The following PCDHGA5 variants were observed in gnomAD, a reference collection of about 807,000 sequenced individuals.
PCDHGA5 encodes protocadherin gamma-A5.
A neutral mutation model predicts 56.7 loss-of-function variants in PCDHGA5; 36 were observed. The ratio of observed to expected loss-of-function variants is 0.64; its 90% CI spans 0.49 to 0.84. The LOEUF (loss-of-function observed/expected upper bound fraction) is 0.84. PCDHGA5 is among the 40% of genes least tolerant of loss of function. The pLI, the probability that PCDHGA5 is intolerant of heterozygous loss-of-function variation, is 0.00. For missense variants in PCDHGA5, 1,305 were observed against 1,201.5 expected, an observed-to-expected ratio of 1.09 and a Z score of -1.27; for synonymous variants, 563 against 520.2, an observed-to-expected ratio of 1.08 and a Z score of -1.12.
In PCDHGA5 at chr5:141,366,176, C is replaced by G. The variant is rs1764373617; in HGVS notation, c.1846C>G (p.Leu616Val). ...CCTGCTTAAGGCCAGCGAGCCAGGA[C>G]TCTTTGCGGTTGGGCTGCACACGGG... ...YRLLKASEPG[L>V]FAVGLHTGEV... Residue 616 changes from leucine to valine, a missense_variant, in exon 1 of 4, where the codon CTC becomes GTC. Leu to Val is a conservative substitution (Grantham distance 32). Coordinates refer to ENST00000518069, the MANE Select transcript of PCDHGA5 (RefSeq NM_018918.3). 1.2e-6 allele frequency: 2 copies of G among 1,613,926 alleles called. No homozygotes were observed. Among genetic ancestry groups the G allele is most frequent in the Admixed American group, 3.3e-5 (2 of 60,012 alleles).
At chr5:141,402,934 A>G in intron 1 of PCDHGA5, 1 of 1,586,622 alleles carries the variant, frequency 6.3e-7, no homozygotes, top group Non-Finnish European at 8.6e-7. Flanking sequence ...TTTTGAGAAA[A>G]TTCCAAAGCG....
chr5:141,431,476 A>G lies in PCDHGA5; in HGVS notation c.2422-63331A>G, dbSNP rs975772031. 1.9e-6 allele frequency: 3 copies of G among 1,613,864 alleles called. No homozygotes were observed. Among genetic ancestry groups the G allele is most frequent in the Admixed American group, 3.3e-5 (2 of 60,032 alleles). ...TGGTTCTGGATGCGAACGACAACGC[A>G]CCAGCGTTTGCTCAGCCCGAGTACC... On this transcript the variant is annotated intron_variant, in intron 1 of 3. Coordinates refer to ENST00000518069, the MANE Select transcript of PCDHGA5 (RefSeq NM_018918.3). This position sits in a 1 kb window ranked among gnomAD's most constrained non-coding sequence, Gnocchi z 4.8.
At chr5:141,478,173 A>G (rs1397071220) in intron 1 of PCDHGA5, 1 of 1,613,986 alleles carries the variant, frequency 6.2e-7, no homozygotes, top group Non-Finnish European at 8.5e-7. Flanking sequence ...CCCCGGGAGC[A>G]GAAAAAAAAT....
chr5:141,365,504 T>G lies in PCDHGA5; in HGVS notation c.1174T>G (p.Phe392Val). 6.2e-7 allele frequency: 1 copy of G among 1,613,984 alleles called. No homozygotes were observed. Among genetic ancestry groups the G allele is most frequent in the Non-Finnish European group, 8.5e-7 (1 of 1,179,890 alleles). Reference sequence around the variant, plus strand: ...ATGCTCTATTCCTAGGAATTTGCCTTTTAAATTGGAGAAGTCAGTTGATAA... The same window carrying G: ...ATGCTCTATTCCTAGGAATTTGCCTGTTAAATTGGAGAAGTCAGTTGATAA... ...IACSIPRNLP[F>V]KLEKSVDNYY... Residue 392 changes from phenylalanine to valine, a missense_variant, in exon 1 of 4, where the codon TTT (phenylalanine) becomes GTT (valine). Physicochemically the swap from Phe to Val is conservative, Grantham distance 50 (BLOSUM62 -1). Coordinates refer to ENST00000518069, the MANE Select transcript of PCDHGA5 (RefSeq NM_018918.3).
At chr5:141,492,242 C>G (rs2099738685) in intron 1 of PCDHGA5, among the ~76,000 whole-genome samples, 1 of 152,190 alleles carries the variant, frequency 6.6e-6, no homozygotes, top group Admixed American at 6.5e-5. Flanking sequence ...GCTGGCCACC[C>G]CCACGGCCCA....
chr5:141,492,501 G>A (rs551410616), intron 1 of PCDHGA5, among the ~76,000 whole-genome samples: 8 of 152,302 alleles, frequency 5.3e-5, no homozygotes, highest in East Asian at 1.9e-4. Flanking sequence ...CGAGGACTCC[G>A]GAGCCTCCTC....
chr5:141,508,777 AG>A (rs1428861784), intron 3 of PCDHGA5, among the ~76,000 whole-genome samples: 3 of 150,778 alleles, frequency 2.0e-5, no homozygotes, highest in Non-Finnish European at 4.4e-5. Context: ...TCCCCCCTCT[AG>A]CCCCTAAATC....
At chr5:141,394,952 G>A (rs764724660) in intron 1 of PCDHGA5, 13 of 1,613,738 alleles carry the variant, frequency 8.1e-6, no homozygotes, top group African/African-American at 6.7e-5. Context: ...TGCTTCTGGG[G>A]CTCAGGCTGA....
chr5:141,397,205 AAG>A (rs896486095), intron 1 of PCDHGA5, among the ~76,000 whole-genome samples: 76 of 152,336 alleles, frequency 5.0e-4, no homozygotes, highest in African/African-American at 1.8e-3. Context: ...GATATGACAT[AAG>A]AGAAGTATTT....
At chr5:141,388,460 T>G in intron 1 of PCDHGA5, 1 of 1,613,854 alleles carries the variant, frequency 6.2e-7, no homozygotes. Flanking sequence ...GTAAATACCC[T>G]GAGATGGTAT....
intron 1 of PCDHGA5, chr5:141,412,395 T>G (rs941350125): frequency 1.3e-5 from 2 of 152,246 alleles, no homozygotes; most frequent in African/African-American, 4.8e-5. Flanking sequence ...ATTTAACTTG[T>G]ATCCCTGTAA....
At chr5:141,468,758 C>G (rs929005462) in intron 1 of PCDHGA5, among the ~76,000 whole-genome samples, 1 of 151,802 alleles carries the variant, frequency 6.6e-6, no homozygotes, top group Admixed American at 6.6e-5. Context: ...CCCAGCTACT[C>G]GGGAGGCTGA....
intron 1 of PCDHGA5, chr5:141,383,720 A>T (rs963032230): frequency 1.2e-5 from 19 of 1,613,888 alleles, no homozygotes; most frequent in Non-Finnish European, 1.6e-5. Flanking sequence ...GAGGGAGTCA[A>T]TGGGGAAGTG....
At chr5:141,393,143 T>G in intron 1 of PCDHGA5, 1 of 1,613,290 alleles carries the variant, frequency 6.2e-7, no homozygotes, top group Non-Finnish European at 8.5e-7. Context: ...ACACCCTGGT[T>G]GAGGATAAAG....
chr5:141,493,979 C>T lies in PCDHGA5; in HGVS notation c.2422-828C>T, dbSNP rs1273325447. ...GAAGTGGCTGGCCAGAGCCCCACAC[C>T]TTCAGCTAGGTGGGAGATGGCTACA... is the stretch of plus-strand genomic sequence containing the variant. On this transcript the variant is annotated intron_variant, in intron 1 of 3. Coordinates refer to ENST00000518069, the MANE Select transcript of PCDHGA5 (RefSeq NM_018918.3). The surrounding 1 kb of genome is among the most constrained non-coding windows in gnomAD (Gnocchi z 4.3). Among the ~76,000 whole-genome samples, 1 of 152,182 alleles carries T rather than the reference C, an allele frequency of 6.6e-6. No individual in the cohort carries two copies. Among genetic ancestry groups the T allele is most frequent in the Non-Finnish European group, 1.5e-5 (1 of 68,032 alleles).
In PCDHGA5 at chr5:141,505,363, T is replaced by C. The variant is rs751635403; in HGVS notation, c.2481-30T>C. 1.6e-5 allele frequency: 26 copies of C among 1,613,242 alleles called. No individual in the cohort carries two copies. In the Middle Eastern group the frequency reaches 9.9e-4, roughly 61 times the overall value. On this transcript the variant is annotated intron_variant, in intron 2 of 3. Transcript: ENST00000518069. ...GGCATGAGCTGTGCCGGCCTGGGAG[T>C]CTGTGCTCACCATCCTACTCTCTCC... is the stretch of plus-strand genomic sequence containing the variant.
intron 1 of PCDHGA5, chr5:141,408,023 A>G (rs2095028170): frequency 1.9e-6 from 2 of 1,054,662 alleles, no homozygotes; most frequent in Middle Eastern, 3.2e-4. Context: ...CCAACAACAG[A>G]AAGAAGAAAA....
At chr5:141,418,026 T>A (rs2154547454) in intron 1 of PCDHGA5, 1 of 1,613,962 alleles carries the variant, frequency 6.2e-7, no homozygotes, top group East Asian at 2.2e-5. Context: ...GATCTAGGGC[T>A]TAGTGTCCTG....
chr5:141,472,218 G>A (rs1206861601), intron 1 of PCDHGA5, among the ~76,000 whole-genome samples: 3 of 152,054 alleles, frequency 2.0e-5, no homozygotes, highest in Admixed American at 2.0e-4. Flanking sequence ...CCTTACTCTC[G>A]ATCATATAAT....
Sources: gnomAD v4.1 joint callset for allele counts (sites outside exome capture counted in the v4.1 genomes callset) on GRCh38, gnomAD v4.1.1 for gene constraint, Gnocchi (gnomAD v3.1) non-coding constraint, MANE v1.5 for transcripts, NCBI Gene and HGNC (gene_info 2026-07-23, HGNC 2026-07-21) for gene names.